The following B3GLCT variants were observed in gnomAD, a reference collection of about 807,000 sequenced individuals.
B3GLCT encodes beta-1,3-glucosyltransferase.
Under a neutral mutation model 63.4 loss-of-function variants are expected in B3GLCT, and 65 were observed. The ratio of observed to expected loss-of-function variants is 1.03; its 90% CI spans 0.84 to 1.26. B3GLCT has a LOEUF of 1.26. B3GLCT is among the 50% of genes most tolerant of loss of function. B3GLCT has a pLI of 0.00. For missense variants in B3GLCT, 577 were observed against 604.8 expected, an observed-to-expected ratio of 0.95 and a Z score of 0.48; for synonymous variants, 233 against 219.2, an observed-to-expected ratio of 1.06 and a Z score of -0.55.
At chr13:31,207,114 G>C (rs1169844724) in intron 1 of B3GLCT, among the ~76,000 whole-genome samples, 1 of 152,128 alleles carries the variant, frequency 6.6e-6, no homozygotes, top group East Asian at 1.9e-4. Flanking sequence ...CTGTATGTCT[G>C]TTTATCCATC....
chr13:31,253,618 A>AAACAAAC lies in B3GLCT; in HGVS notation c.459+5654_459+5655insCAAACAA, dbSNP rs1555249044. 2.5e-3 allele frequency among the ~76,000 whole-genome samples: 207 copies of AAACAAAC among 82,308 alleles called. 26 individuals carry two copies. Among genetic ancestry groups the AAACAAAC allele is most frequent in the East Asian group, 0.018 (30 of 1,632 alleles). 54.0% of individuals were successfully genotyped at this position (82,308 alleles called of 152,430 possible). A position where few individuals can be genotyped will look rare whatever the true frequency, so the allele number is the denominator to read the frequency against. On this transcript the variant is annotated intron_variant, in intron 6 of 14. Coordinates refer to ENST00000343307, the MANE Select transcript of B3GLCT (RefSeq NM_194318.4). ...CTCAAAAAAAAAAAAAAAAAAAAAA[A>AAACAAAC]AAACTAGAGAAGCAAGAGCAAGCAA...
intron 12 of B3GLCT, among the ~76,000 whole-genome samples, chr13:31,314,325 A>T (rs192679601): frequency 6.6e-6 from 1 of 152,190 alleles, no homozygotes; most frequent in Non-Finnish European, 1.5e-5. Flanking sequence ...CAGACACTCA[A>T]TGTCAGCCTG....
At chr13:31,309,280 T>C (rs1257104223) in intron 12 of B3GLCT, among the ~76,000 whole-genome samples, 1 of 152,356 alleles carries the variant, frequency 6.6e-6, no homozygotes, top group Non-Finnish European at 1.5e-5. Flanking sequence ...TGTGTTCTTA[T>C]ACCACAACAA....
chr13:31,213,461 A>G (rs148031769), intron 1 of B3GLCT, among the ~76,000 whole-genome samples: 2,968 of 152,204 alleles, frequency 0.02, 92 homozygotes, highest in African/African-American at 0.068. Context: ...ATGGTGGCAC[A>G]TGCCTGTAGT....
At chr13:31,314,976 T>C (rs1405756617) in intron 12 of B3GLCT, among the ~76,000 whole-genome samples, 1 of 152,204 alleles carries the variant, frequency 6.6e-6, no homozygotes, top group Non-Finnish European at 1.5e-5. Flanking sequence ...TTTTGCTTCT[T>C]TCTCATTGTC....
intron 7 of B3GLCT, among the ~76,000 whole-genome samples, 174 bp from the exon 8 acceptor site, chr13:31,269,040 G>T (rs1872460163): frequency 6.6e-6 from 1 of 152,128 alleles, no homozygotes; most frequent in Non-Finnish European, 1.5e-5. Context: ...TCATTTATTG[G>T]TCAGCCAGCC....
At chr13:31,322,126 G>A (rs547854569) in intron 13 of B3GLCT, among the ~76,000 whole-genome samples, 4 of 152,362 alleles carry the variant, frequency 2.6e-5, no homozygotes, top group Admixed American at 6.5e-5. Context: ...TTACATATGT[G>A]CATTTAGGTA....
rs564641673 is a variant in B3GLCT, at chr13:31,328,885, A to G, written c.1330-616A>G. 2.6e-3 allele frequency among the ~76,000 whole-genome samples: 391 copies of G among 152,298 alleles called. 4 individuals carry two copies. Among genetic ancestry groups the G allele is most frequent in the African/African-American group, 8.8e-3 (365 of 41,564 alleles). On this transcript the variant is annotated intron_variant, in intron 14 of 14. Coordinates refer to ENST00000343307, the MANE Select transcript of B3GLCT (RefSeq NM_194318.4). ...TAAAAAATTTTGCAATGTAGATAAT[A>G]TAAAAACTTTTTAGGTCCTTTCACA...
At chr13:31,328,757 C>G (rs1239053536) in intron 14 of B3GLCT, among the ~76,000 whole-genome samples, 4 of 119,740 alleles carry the variant, frequency 3.3e-5, no homozygotes, top group Non-Finnish European at 6.9e-5. Flanking sequence ...TTAGAGAAAA[C>G]AAAATAGTAT....
At position 31,308,356 on chromosome 13, in the gene B3GLCT, A is replaced by AAAC. The variant is rs1555254580; in HGVS notation, c.1065-9208_1065-9207insCAA. ...ATAAAAAAAAAAAAATTAAAAAAAA[A>AAAC]AAAACAAAAAAAAAAGCTAGTCCCA... On this transcript the variant is annotated intron_variant, in intron 12 of 14. Transcript: ENST00000343307. Among the ~76,000 whole-genome samples, 3 of 17,160 alleles carry AAAC rather than the reference A, an allele frequency of 1.7e-4. No individual in the cohort carries two copies. The Admixed American group carries it at 2.7e-3, about 16-fold the overall frequency. 11.3% of individuals were successfully genotyped at this position (17,160 alleles called of 152,430 possible).
intron 12 of B3GLCT, among the ~76,000 whole-genome samples, chr13:31,295,813 G>A (rs1433283970): frequency 6.6e-6 from 1 of 152,146 alleles, no homozygotes; most frequent in Admixed American, 6.5e-5. Context: ...CCCCTTTCCA[G>A]GGGAGTGAAC....
intron 10 of B3GLCT, among the ~76,000 whole-genome samples, chr13:31,281,558 G>C (rs1873070116): frequency 6.6e-6 from 1 of 152,152 alleles, no homozygotes; most frequent in Admixed American, 6.5e-5. Flanking sequence ...CTGTTGAATA[G>C]CTGATGTTCC....
At chr13:31,201,775 C>T (rs1868681937) in intron 1 of B3GLCT, among the ~76,000 whole-genome samples, 1 of 152,178 alleles carries the variant, frequency 6.6e-6, no homozygotes, top group East Asian at 1.9e-4. Context: ...AATATTTGCA[C>T]TGTCCAAATT....
intron 6 of B3GLCT, among the ~76,000 whole-genome samples, chr13:31,253,084 A>T (rs1871516578): frequency 6.6e-6 from 1 of 152,244 alleles, no homozygotes; most frequent in African/African-American, 2.4e-5. Context: ...AACTATGTGG[A>T]AACTGAACAA....
At chr13:31,298,346 T>G (rs1190930399) in intron 12 of B3GLCT, among the ~76,000 whole-genome samples, 1 of 152,230 alleles carries the variant, frequency 6.6e-6, no homozygotes, top group African/African-American at 2.4e-5. Context: ...TAGAGTCTCA[T>G]TCCATCATTA....
intron 4 of B3GLCT, among the ~76,000 whole-genome samples, chr13:31,231,107 A>C (rs539585167): frequency 6.6e-6 from 1 of 152,268 alleles, no homozygotes; most frequent in Non-Finnish European, 1.5e-5. Flanking sequence ...GCAGACATGC[A>C]GCAACCTTGA....
chr13:31,229,370 C>A, intron 4 of B3GLCT, 76 bp downstream of exon 4: 1 of 880,248 alleles, frequency 1.1e-6, no homozygotes, highest in South Asian at 1.3e-5. Flanking sequence ...ACACTGGATC[C>A]GTGGAGAATC....
chr13:31,200,122 C>A lies in B3GLCT; in HGVS notation c.38C>A (p.Pro13Gln). ...GCCTGCTGGTGGCTGCTCGCGCCGCCGGCGCTGCTCGCGCTCCTCACCTGC... is the reference window on the plus strand; with the variant it reads ...GCCTGCTGGTGGCTGCTCGCGCCGCAGGCGCTGCTCGCGCTCCTCACCTGC... ...PPACWWLLAP[P>Q]ALLALLTCSL... The change falls in exon 1 of 15, where the codon CCG becomes CAG. Residue 13 changes from proline to glutamine, a missense_variant. Pro to Gln is a moderately conservative substitution (Grantham distance 76, BLOSUM62 -1). Coordinates refer to ENST00000343307, the MANE Select transcript of B3GLCT (RefSeq NM_194318.4). 1.5e-6 allele frequency: 2 copies of A among 1,375,002 alleles called. No individual in the cohort carries two copies. Among genetic ancestry groups the A allele is most frequent in the Non-Finnish European group, 9.5e-7 (1 of 1,054,470 alleles). The allele number at this position is 1,375,002 out of a possible 1,614,324, so 85.2% of individuals were successfully genotyped here. A position where few individuals can be genotyped will look rare whatever the true frequency, so the allele number is the denominator to read the frequency against.
chr13:31,302,519 C>G (rs1181467901), intron 12 of B3GLCT, among the ~76,000 whole-genome samples: 3 of 128,648 alleles, frequency 2.3e-5, no homozygotes, highest in African/African-American at 8.9e-5. Flanking sequence ...ACCTGGGAAG[C>G]GCAAGGGGTC....
Sources: gnomAD v4.1 joint callset for allele counts (sites outside exome capture counted in the v4.1 genomes callset) on GRCh38, gnomAD v4.1.1 for gene constraint, MANE v1.5 for transcripts, NCBI Gene and HGNC (gene_info 2026-07-23, HGNC 2026-07-21) for gene names.